RANBP2: variants seen among roughly 807,000 people sequenced by gnomAD.
RANBP2 encodes RAN binding protein 2.
In RANBP2, 57 loss-of-function variants were observed where a neutral mutation model predicts 303.6. The observed-to-expected ratio is 0.19, with a 90% CI of 0.15 to 0.23. RANBP2 has a LOEUF of 0.23. Among genes scored for constraint, RANBP2 ranks in the 10% least tolerant of loss-of-function variants. The probability of loss-of-function intolerance (pLI) is 1.00; values close to 1 mark genes in which losing one functional copy is unlikely to be tolerated. For missense variants in RANBP2, 3,138 were observed against 3,780.8 expected (o/e 0.83, Z 4.46); for synonymous variants, 1,167 against 1,301.5 (o/e 0.90, Z 2.23).
chr2:109,307,497 T>C, the RANBP2 span, among the ~76,000 whole-genome samples: 1 of 149,790 alleles, frequency 6.7e-6, no homozygotes, highest in Non-Finnish European at 1.5e-5. Context: ...TATGTATACA[T>C]GTGCCATGCT....
At chr2:108,996,517 C>T in the RANBP2 span, among the ~76,000 whole-genome samples, 1,058 of 152,316 alleles carry the variant, frequency 6.9e-3, 23 homozygotes, top group Non-Finnish European at 4.3e-3. Flanking sequence ...TAACGGTATG[C>T]GCCATGGACT....
the RANBP2 span, among the ~76,000 whole-genome samples, chr2:109,370,911 A>AT: frequency 6.6e-6 from 1 of 152,156 alleles, no homozygotes; most frequent in African/African-American, 2.4e-5. Context: ...GGACTGAGTT[A>AT]TTTTTTTGTT....
chr2:108,819,086 T>A, the RANBP2 span, among the ~76,000 whole-genome samples: 11 of 152,180 alleles, frequency 7.2e-5, no homozygotes, highest in Admixed American at 2.6e-4. Context: ...GTCATCAACA[T>A]GTTGGAGTAG....
At chr2:109,000,722 G>A in the RANBP2 span, among the ~76,000 whole-genome samples, 2 of 152,138 alleles carry the variant, frequency 1.3e-5, no homozygotes, top group African/African-American at 4.8e-5. Context: ...GCATTACTGG[G>A]CATTTCCCAT....
At chr2:108,789,573 G>A (rs1679554831), downstream of RANBP2, among the ~76,000 whole-genome samples, 1 of 152,180 alleles carries the variant, frequency 6.6e-6, no homozygotes, top group Non-Finnish European at 1.5e-5. Flanking sequence ...CAGCCTGGGT[G>A]ATGAGCAAAA....
At chr2:109,711,634 G>T in the RANBP2 span, among the ~76,000 whole-genome samples, 1 of 152,230 alleles carries the variant, frequency 6.6e-6, no homozygotes, top group East Asian at 1.9e-4. Context: ...AGGAAGCCTC[G>T]CTGGCCTGGC....
the RANBP2 span, among the ~76,000 whole-genome samples, chr2:109,677,341 G>T: frequency 6.6e-6 from 1 of 152,246 alleles, no homozygotes. Context: ...GAATCTTGGG[G>T]GCAGGGGGCT....
At chr2:108,896,656 T>C in the RANBP2 span, 2 of 523,748 alleles carry the variant, frequency 3.8e-6, no homozygotes, top group Non-Finnish European at 6.9e-6. Context: ...GCTGGCTGTA[T>C]GAGTGAGTAG....
chr2:109,306,594 A>G, the RANBP2 span, among the ~76,000 whole-genome samples: 9 of 152,314 alleles, frequency 5.9e-5, no homozygotes, highest in African/African-American at 2.2e-4. Flanking sequence ...AGGAAGCTAC[A>G]TGCCATGGCC....
the RANBP2 span, among the ~76,000 whole-genome samples, chr2:108,818,387 G>A: frequency 3.3e-5 from 5 of 152,244 alleles, no homozygotes; most frequent in South Asian, 2.1e-4. Flanking sequence ...TATTTAGCAC[G>A]TGTATTTCTC....
At chr2:109,529,864 G>A in the RANBP2 span, among the ~76,000 whole-genome samples, 1 of 152,166 alleles carries the variant, frequency 6.6e-6, no homozygotes, top group Non-Finnish European at 1.5e-5. Context: ...TGCCCCTTGA[G>A]GCATGGAAAC....
chr2:109,432,198 G>A, the RANBP2 span, among the ~76,000 whole-genome samples: 1 of 152,122 alleles, frequency 6.6e-6, no homozygotes, highest in Admixed American at 6.5e-5. Flanking sequence ...TGGGGTCACT[G>A]GGCCTTAGGG....
chr2:109,161,885 C>T, the RANBP2 span, among the ~76,000 whole-genome samples: 658 of 151,832 alleles, frequency 4.3e-3, 3 homozygotes, highest in African/African-American at 0.015. Flanking sequence ...GTTTGGGGGA[C>T]AAATATCCAA....
the RANBP2 span, among the ~76,000 whole-genome samples, chr2:109,436,034 G>T: frequency 6.6e-6 from 1 of 152,176 alleles, no homozygotes; most frequent in Non-Finnish European, 1.5e-5. Context: ...GTCGTGCCCA[G>T]TGATACCAGC....
At chr2:109,479,201 G>A in the RANBP2 span, among the ~76,000 whole-genome samples, 3 of 152,164 alleles carry the variant, frequency 2.0e-5, no homozygotes, top group Non-Finnish European at 4.4e-5. Flanking sequence ...TCAGGGTCAC[G>A]CAGTGGCATC....
At chr2:109,453,081 G>T in the RANBP2 span, among the ~76,000 whole-genome samples, 3 of 152,180 alleles carry the variant, frequency 2.0e-5, no homozygotes, top group African/African-American at 7.2e-5. Flanking sequence ...TGTTCCCTGC[G>T]TGGCCCGATG....
chr2:108,805,005 A>C, the RANBP2 span: 1 of 1,516,462 alleles, frequency 6.6e-7, no homozygotes, highest in Non-Finnish European at 8.8e-7. Flanking sequence ...CCTTAAAAAA[A>C]CAGGTAAGAC....
rs1160117456 is a variant in RANBP2, at chr2:108,767,244, T to C, written c.6705T>C (p.Asp2235=). The C allele has an allele frequency of 6.2e-7, 1 of 1,611,934 alleles. No homozygotes were observed. Among genetic ancestry groups the C allele is most frequent in the East Asian group, 2.2e-5 (1 of 44,896 alleles). ...DNYDLREDAL[D]DSVSSSSVHA... is the part of the protein sequence containing the mutation. ...ATGATTTAAGGGAAGATGCTTTGGA[T>C]GATAGTGTCAGTAGTAGCTCAGTAC... The change falls in exon 20 of 29, where the codon GAT becomes GAC. Residue 2235 remains aspartate, a synonymous_variant. Transcript: ENST00000283195.
the RANBP2 span, chr2:108,897,347 A>C: frequency 2.0e-6 from 2 of 997,250 alleles, no homozygotes; most frequent in Non-Finnish European, 1.5e-6. Flanking sequence ...TAAAATTATA[A>C]AACATGCAGA....
Sources: gnomAD v4.1 joint callset for allele counts (sites outside exome capture counted in the v4.1 genomes callset) on GRCh38, gnomAD v4.1.1 for gene constraint, MANE v1.5 for transcripts, NCBI Gene and HGNC (gene_info 2026-07-23, HGNC 2026-07-21) for gene names.